Variants in MPG observed in about 807,000 individuals in gnomAD.
MPG encodes the protein DNA-3-methyladenine glycosylase.
MPG carries 33 observed loss-of-function variants against 31.7 expected under a neutral mutation model. That is an observed-to-expected ratio of 1.04 (90% confidence interval 0.79 to 1.39). The LOEUF is 1.39. MPG is among the 40% of genes most tolerant of loss of function. The pLI is 0.00. For missense variants in MPG, 455 were observed against 415.5 expected, an observed-to-expected ratio of 1.10 and a Z score of -0.83; for synonymous variants, 202 against 169.2, an observed-to-expected ratio of 1.19 and a Z score of -1.51.
Position 78,242 on chromosome 16 carries a change from C to G in MPG, c.-68C>G, listed in dbSNP as rs957398366. On this transcript the variant is annotated 5_prime_UTR_variant, in exon 1 of 4. Transcript: ENST00000356432. ...TCCGCCCCGGTCCTAGGGGTGCTTC[C>G]GTGGTCGGCGGCTGCTGGGCTCCGC... 5.2e-6 allele frequency: 7 copies of G among 1,352,420 alleles called. No individual in the cohort carries two copies. The African/African-American group carries it at 6.1e-5, about 12-fold the overall frequency. The allele number at this position is 1,352,420 out of a possible 1,614,324, so 83.8% of individuals were successfully genotyped here.
In MPG at chr16:79,658, C is replaced by G. The variant is rs749764954; in HGVS notation, c.258C>G (p.Phe86Leu). 16 of 1,570,486 alleles carry G rather than the reference C, an allele frequency of 1.0e-5. No homozygotes were observed. Among genetic ancestry groups the G allele is most frequent in the Non-Finnish European group, 1.4e-5 (16 of 1,157,080 alleles). Residue 86 changes from phenylalanine to leucine, a missense_variant, in exon 2 of 4, where the codon TTC becomes TTG. Physicochemically the swap from Phe to Leu is conservative, Grantham distance 22. Transcript: ENST00000356432. The stretch of plus-strand genomic sequence containing the variant: ...TTACCCGACTGGGGTTGGAGTTCTT[C>G]GACCAGCCGGCAGTCCCCCTGGCCC... ...GHLTRLGLEF[F>L]DQPAVPLARA...
At chr16:83,833 G>T (rs554235915) in intron 3 of MPG, among the ~76,000 whole-genome samples, 1 of 152,278 alleles carries the variant, frequency 6.6e-6, no homozygotes, top group South Asian at 2.1e-4. Context: ...CCTTGACGGA[G>T]GCAGCACATG....
intron 2 of MPG, 57 bp from the exon 3 acceptor site, chr16:82,995 T>TTA: frequency 1.0e-5 from 15 of 1,471,028 alleles, no homozygotes; most frequent in Non-Finnish European, 1.4e-5. Context: ...CTGGGCACTG[T>TTA]TAGGGTGAGT....
chr16:77,521 T>C (rs1407637296), upstream of MPG, among the ~76,000 whole-genome samples: 1 of 152,236 alleles, frequency 6.6e-6, no homozygotes, highest in Admixed American at 6.5e-5. Context: ...AGCCCTGGTC[T>C]GGCCTCGGCC....
chr16:81,513 G>T (rs1193783657), intron 2 of MPG, among the ~76,000 whole-genome samples: 6 of 151,536 alleles, frequency 4.0e-5, no homozygotes, highest in African/African-American at 1.5e-4. Context: ...AGCCTGGCCT[G>T]TTCACTTCTG....
At chr16:80,212 CCCA>C (rs1326963217) in intron 2 of MPG, among the ~76,000 whole-genome samples, 9 of 152,188 alleles carry the variant, frequency 5.9e-5, no homozygotes, top group African/African-American at 1.9e-4. Flanking sequence ...GCAGCCTGTC[CCCA>C]CGAGCAGATG....
chr16:83,250 A>G lies in MPG; in HGVS notation c.499A>G (p.Ser167Gly). ...CATGTACTTCTGCATGAACATCTCC[A>G]GCCAGGGTGAGCAGTGCTGGGGCAC... is the stretch of plus-strand genomic sequence containing the variant. ...YGMYFCMNIS[S>G]QGDGACVLLR... The change falls in exon 3 of 4, where the codon AGC becomes GGC. Residue 167 changes from serine to glycine, a missense_variant. Coordinates refer to ENST00000356432, the MANE Select transcript of MPG (RefSeq NM_001015052.3). 6.2e-7 allele frequency: 1 copy of G among 1,611,050 alleles called. No homozygotes were observed. The highest frequency in any genetic ancestry group is 1.1e-5 in the South Asian group (1 of 90,958).
At position 83,115 on chromosome 16, in the gene MPG, T is replaced by C; in HGVS notation, c.364T>C (p.Tyr122His). 1 of 1,613,026 alleles carries C rather than the reference T, an allele frequency of 6.2e-7. No individual in the cohort carries two copies. Among genetic ancestry groups the C allele is most frequent in the Non-Finnish European group, 8.5e-7 (1 of 1,179,840 alleles). Residue 122 changes from tyrosine to histidine, a missense_variant, in exon 3 of 4, where the codon TAC (tyrosine) becomes CAC (histidine). Coordinates refer to ENST00000356432, the MANE Select transcript of MPG (RefSeq NM_001015052.3). ...LRGRIVETEA[Y>H]LGPEDEAAHS... ...AGGCCGCATCGTGGAGACCGAGGCA[T>C]ACCTGGGGCCAGAGGATGAAGCCGC...
chr16:78,064 G>T (rs1389432602), upstream of MPG: 1 of 308,810 alleles, frequency 3.2e-6, no homozygotes, highest in East Asian at 5.1e-5. Context: ...CGCAGGCACC[G>T]CATCGGGCCC....
At chr16:85,355 G>A (rs1237341171) in intron 3 of MPG, 46 bp from the exon 4 acceptor site, 3 of 1,545,626 alleles carry the variant, frequency 1.9e-6, no homozygotes, top group South Asian at 1.2e-5. Context: ...GGGCAGAGAG[G>A]ACAGGAGCCT....
rs1431050837 is a variant in MPG at position 83,163 on chromosome 16, A to AC, written c.418dup (p.Arg140ProfsTer88). On this transcript the variant is annotated frameshift_variant, in exon 3 of 4. Transcript: ENST00000356432. LOFTEE classifies it high-confidence loss of function. Reference sequence around the variant, plus strand: ...CGCCCACTCAAGGGGTGGCCGGCAGACCCCCCGCAACCGAGGCATGTTCAT... The same window carrying AC: ...CGCCCACTCAAGGGGTGGCCGGCAGACCCCCCCGCAACCGAGGCATGTTCAT... 11 of 1,612,534 alleles carry AC rather than the reference A, an allele frequency of 6.8e-6. No individual in the cohort carries two copies. Among genetic ancestry groups the AC allele is most frequent in the East Asian group, 4.5e-5 (2 of 44,866 alleles).
rs531865766 is a variant in MPG at position 78,302 on chromosome 16, G to C, written c.-8G>C. 7.3e-5 allele frequency: 98 copies of C among 1,334,024 alleles called. No homozygotes were observed. The South Asian group carries it at 1.3e-3, about 17-fold the overall frequency. The allele number at this position is 1,334,024 out of a possible 1,614,324, so 82.6% of individuals were successfully genotyped here. ...CGAGTCCCACGAAGCCCCGGCCCGA[G>C]CCGCCGGATGCCCGCGCGCAGCGGG... On this transcript the variant is annotated 5_prime_UTR_variant, in exon 1 of 4. Coordinates refer to ENST00000356432, the MANE Select transcript of MPG (RefSeq NM_001015052.3).
At position 85,767 on chromosome 16, in the gene MPG, C is replaced by T. The variant is rs1181005582; in HGVS notation, c.872C>T (p.Thr291Ile). ...SVVDRVAEQD[T>I]QA ...GTCGACAGAGTGGCTGAGCAGGACA[C>T]ACAGGCCTGAGCAAAGGGCCTGCCC... The change falls in exon 4 of 4, where the codon ACA (threonine) becomes ATA (isoleucine). Residue 291 changes from threonine (T) to isoleucine (I), a missense_variant. Transcript: ENST00000356432. 6.6e-7 allele frequency: 1 copy of T among 1,505,284 alleles called. No individual in the cohort carries two copies. The highest frequency in any genetic ancestry group is 8.9e-7 in the Non-Finnish European group (1 of 1,126,482). The allele number at this position is 1,505,284 out of a possible 1,614,324, so 93.2% of individuals were successfully genotyped here.
intron 3 of MPG, 92 bp from the exon 4 acceptor site, chr16:85,309 C>T (rs1345165569): frequency 2.1e-5 from 30 of 1,424,714 alleles, no homozygotes; most frequent in Non-Finnish European, 2.7e-5. Context: ...GGCAGCTGCA[C>T]CCTCCCTGCA....
At chr16:83,613 C>A (rs959863268) in intron 3 of MPG, among the ~76,000 whole-genome samples, 1 of 152,046 alleles carries the variant, frequency 6.6e-6, no homozygotes, top group Non-Finnish European at 1.5e-5. Context: ...TGGTAGTGGG[C>A]TCCTGTAATC....
In MPG at chr16:79,565, CT is replaced by C; in HGVS notation, c.166del (p.Cys56AlafsTer47). 6.2e-7 allele frequency: 1 copy of C among 1,612,514 alleles called. No individual in the cohort carries two copies. Among genetic ancestry groups the C allele is most frequent in the Non-Finnish European group, 8.5e-7 (1 of 1,179,760 alleles). On this transcript the variant is annotated frameshift_variant, in exon 2 of 4. Coordinates refer to ENST00000356432, the MANE Select transcript of MPG (RefSeq NM_001015052.3). LOFTEE classifies it high-confidence loss of function. Reference protein sequence around the residue: ...AAQAPCPRERCLGPPTTPGPY... With the variant: ...AAQAPCPRERXLGPPTTPGPY... ...CCCAGGCACCTTGCCCCAGGGAGCG[CT>C]GCTTGGGACCGCCCACCACTCCGGG...
chr16:79,923 C>G (rs982142426), intron 2 of MPG: 25 of 614,992 alleles, frequency 4.1e-5, no homozygotes, highest in Non-Finnish European at 6.2e-5. Context: ...CAGGGTGGAG[C>G]AGGGGTGCCA....
chr16:80,051 G>T (rs1462680384), intron 2 of MPG, among the ~76,000 whole-genome samples: 1 of 152,238 alleles, frequency 6.6e-6, no homozygotes, highest in Non-Finnish European at 1.5e-5. Flanking sequence ...CCAGTGTCGG[G>T]CTGCCCCTTC....
At chr16:79,403 T>C (rs756761959) in intron 1 of MPG, 22 bp from the exon 2 acceptor site, 15 of 1,613,344 alleles carry the variant, frequency 9.3e-6, no homozygotes, top group East Asian at 8.9e-5. Context: ...CGGATGCTTA[T>C]TTATTTTTTT....
Sources: gnomAD v4.1 joint callset for allele counts (sites outside exome capture counted in the v4.1 genomes callset) on GRCh38, gnomAD v4.1.1 for gene constraint, MANE v1.5 for transcripts, NCBI Gene and HGNC (gene_info 2026-07-23, HGNC 2026-07-21) for gene names.